SERPINA5: variants seen among roughly 807,000 people sequenced by gnomAD.
SERPINA5 encodes the protein plasma serine protease inhibitor.
SERPINA5 carries 25 observed loss-of-function variants against 25.3 expected under a neutral mutation model. The observed-to-expected ratio is 0.99, with a 90% confidence interval of 0.72 to 1.38. The LOEUF is 1.38. SERPINA5 is among the 40% of genes most tolerant of loss of function. The pLI is 0.00. For synonymous variants in SERPINA5, 234 were observed against 206.2 expected (o/e 1.14, Z -1.16); for missense variants, 599 against 509.5 (o/e 1.18, Z -1.69).
chr14:94,584,927 G>C (rs190957008), intron 2 of SERPINA5, among the ~76,000 whole-genome samples: 12 of 152,312 alleles, frequency 7.9e-5, no homozygotes, highest in African/African-American at 2.9e-4. Flanking sequence ...GTCCTTCAAA[G>C]CTCTCCAGGC....
chr14:94,586,196 G>A (rs2069961), intron 2 of SERPINA5, among the ~76,000 whole-genome samples: 2 of 151,966 alleles, frequency 1.3e-5, no homozygotes, highest in Admixed American at 1.3e-4. Flanking sequence ...AGTGATGGGA[G>A]ACCCCACAAA....
chr14:94,582,055 G>A (rs1238594151), intron 2 of SERPINA5: 3 of 152,174 alleles, frequency 2.0e-5, no homozygotes, highest in East Asian at 1.9e-4. Flanking sequence ...TTAGAAATCA[G>A]GAACAATGAT....
At chr14:94,584,529 C>T (rs2139923188) in intron 2 of SERPINA5, among the ~76,000 whole-genome samples, 1 of 152,218 alleles carries the variant, frequency 6.6e-6, no homozygotes, top group African/African-American at 2.4e-5. Context: ...AGCTCCTCCC[C>T]ATCGGATCTC....
chr14:94,591,026 A>C, intron 5 of SERPINA5, 130 bp downstream of exon 5: 1 of 830,566 alleles, frequency 1.2e-6, no homozygotes, highest in Non-Finnish European at 1.8e-6. Context: ...ACTCCAGTTC[A>C]CTCTATTCAA....
chr14:94,583,879 A>G (rs1359741052), intron 2 of SERPINA5, among the ~76,000 whole-genome samples: 4 of 152,184 alleles, frequency 2.6e-5, no homozygotes, highest in Non-Finnish European at 5.9e-5. Flanking sequence ...CCAGGGCTTC[A>G]CCTGTCTCTG....
In SERPINA5 at chr14:94,587,625, A is replaced by C. The variant is rs1274092862; in HGVS notation, c.263A>C (p.Lys88Thr). 27 of 1,613,988 alleles carry C rather than the reference A, an allele frequency of 1.7e-5. No homozygotes were observed. The highest frequency in any genetic ancestry group is 1.9e-5 in the Non-Finnish European group (22 of 1,179,984). The change falls in exon 3 of 6, where the codon AAG becomes ACG. Residue 88 changes from lysine (K) to threonine (T), a missense_variant. By Grantham distance (78) the Lys-to-Thr change is moderately conservative. Transcript: ENST00000329597. ...TCCCTGGGGGCTGGGTCCAGCACAA[A>C]GATGCAGATCCTGGAGGGCCTGGGC... is the stretch of plus-strand genomic sequence containing the variant. The part of the protein sequence containing the change: ...MLSLGAGSST[K>T]MQILEGLGLN...
chr14:94,592,026 G>A (rs1329906328), intron 5 of SERPINA5, 31 bp from the exon 6 acceptor site: 11 of 1,596,690 alleles, frequency 6.9e-6, no homozygotes, highest in Non-Finnish European at 9.4e-6. Context: ...TGCCCCTAGT[G>A]GCCTGGTGAT....
At chr14:94,585,959 A>G (rs1885069440) in intron 2 of SERPINA5, among the ~76,000 whole-genome samples, 1 of 152,144 alleles carries the variant, frequency 6.6e-6, no homozygotes, top group Admixed American at 6.5e-5. Flanking sequence ...ACAGTTATGG[A>G]GCAGTGGCTC....
At chr14:94,589,918 G>A (rs1204262296) in intron 3 of SERPINA5, 123 bp from the exon 4 acceptor site, 1 of 893,478 alleles carries the variant, frequency 1.1e-6, no homozygotes, top group East Asian at 2.7e-5. Context: ...TCACTGCTCT[G>A]GGGCTGCCAT....
intron 3 of SERPINA5, 103 bp from the exon 4 acceptor site, chr14:94,589,938 C>G: frequency 8.6e-7 from 1 of 1,168,854 alleles, no homozygotes; most frequent in Non-Finnish European, 1.2e-6. Context: ...TAAAGATGGT[C>G]TCCGCTGGCT....
rs1479576514 is a variant in SERPINA5, at chr14:94,590,124, A to T, written c.703A>T (p.Met235Leu). Reference protein sequence around the residue: ...VTSETVVRVPMMSREDQYHYL... With the variant: ...VTSETVVRVPLMSREDQYHYL... ...CTCGGAGACTGTGGTGCGGGTACCC[A>T]TGATGAGCCGCGAGGATCAGTATCA... is the stretch of plus-strand genomic sequence containing the variant. Residue 235 changes from methionine (M) to leucine (L), a missense_variant, in exon 4 of 6, where the codon ATG becomes TTG. Coordinates refer to ENST00000329597, the MANE Select transcript of SERPINA5 (RefSeq NM_000624.6). The T allele has an allele frequency of 6.2e-7, 1 of 1,614,164 alleles. No homozygotes were observed. Among genetic ancestry groups the T allele is most frequent in the Admixed American group, 1.7e-5 (1 of 60,020 alleles).
chr14:94,589,872 A>T (rs1885218101), intron 3 of SERPINA5, among the ~76,000 whole-genome samples, 169 bp from the exon 4 acceptor site: 1 of 152,194 alleles, frequency 6.6e-6, no homozygotes, highest in Non-Finnish European at 1.5e-5. Context: ...CCAATGTTAT[A>T]AAGAGACTTG....
chr14:94,588,232 C>T lies in SERPINA5; in HGVS notation c.619+251C>T, dbSNP rs61976074. Among the ~76,000 whole-genome samples the T allele has an allele frequency of 4.4e-3, 672 of 152,296 alleles. 3 individuals carry two copies. The highest frequency in any genetic ancestry group is 0.011 in the Admixed American group (167 of 15,304). On this transcript the variant is annotated intron_variant, in intron 3 of 5. Coordinates refer to ENST00000329597, the MANE Select transcript of SERPINA5 (RefSeq NM_000624.6). ...AGAGCTGGTTGCTGTCTTCGGGCCC[C>T]TGGGGACATCTGAAGCCCCAGCTTT...
intron 3 of SERPINA5, among the ~76,000 whole-genome samples, chr14:94,589,116 C>T (rs774129084): frequency 1.1e-4 from 17 of 152,148 alleles, no homozygotes; most frequent in Admixed American, 3.3e-4. Context: ...AAGCTAAGGA[C>T]GGTATTGACT....
At chr14:94,591,974 C>T in intron 5 of SERPINA5, 83 bp from the exon 6 acceptor site, 1 of 1,442,854 alleles carries the variant, frequency 6.9e-7, no homozygotes, top group Non-Finnish European at 9.5e-7. Flanking sequence ...GAGGTTGATG[C>T]CCATAGGCAG....
Position 94,592,271 on chromosome 14 carries a change from A to G in SERPINA5, c.*32A>G, listed in dbSNP as rs930545805. On this transcript the variant is annotated 3_prime_UTR_variant, in exon 6 of 6. Transcript: ENST00000329597. Reference sequence around the variant, plus strand: ...GCTTCTCCTGAAATCTACAGGCCTCAGGGTGGGAGATGAAGGGGGCTAAGC... The same window carrying G: ...GCTTCTCCTGAAATCTACAGGCCTCGGGGTGGGAGATGAAGGGGGCTAAGC... 2 of 1,592,908 alleles carry G rather than the reference A, an allele frequency of 1.3e-6. No individual in the cohort carries two copies. The highest frequency in any genetic ancestry group is 2.3e-5 in the South Asian group (2 of 88,172).
At chr14:94,588,805 G>A (rs746382567) in intron 3 of SERPINA5, among the ~76,000 whole-genome samples, 6 of 152,128 alleles carry the variant, frequency 3.9e-5, no homozygotes, top group Non-Finnish European at 8.8e-5. Context: ...CCATTCCTTG[G>A]TTCATAGAGA....
At position 94,587,516 on chromosome 14, in the gene SERPINA5, C is replaced by T; in HGVS notation, c.154C>T (p.Leu52Phe). The change falls in exon 3 of 6, where the codon CTC becomes TTC. Residue 52 changes from leucine to phenylalanine, a missense_variant. Coordinates refer to ENST00000329597, the MANE Select transcript of SERPINA5 (RefSeq NM_000624.6). ...PSSRRDFTFD[L>F]YRALASAAPS... Reference sequence around the variant, plus strand: ...CAGCAGAAGGGACTTTACCTTTGACCTCTACAGGGCCTTGGCTTCCGCTGC... The same window carrying T: ...CAGCAGAAGGGACTTTACCTTTGACTTCTACAGGGCCTTGGCTTCCGCTGC... The T allele has an allele frequency of 3.7e-6, 6 of 1,613,792 alleles. No homozygotes were observed. The highest frequency in any genetic ancestry group is 5.1e-6 in the Non-Finnish European group (6 of 1,179,734).
intron 3 of SERPINA5, among the ~76,000 whole-genome samples, chr14:94,588,471 C>A (rs1188975409): frequency 1.3e-5 from 2 of 152,212 alleles, no homozygotes; most frequent in African/African-American, 4.8e-5. Context: ...GACTCCTCAG[C>A]AAGAGCTGAC....
Sources: allele counts gnomAD v4.1 joint callset (sites outside exome capture counted in the v4.1 genomes callset), GRCh38; gene constraint gnomAD v4.1.1; transcripts MANE v1.5; gene names NCBI Gene and HGNC (gene_info 2026-07-23, HGNC 2026-07-21).